HTR3B: variants seen among roughly 807,000 people sequenced by gnomAD.
The protein encoded by HTR3B is 5-hydroxytryptamine receptor 3B.
HTR3B carries 44 observed loss-of-function variants against 42.8 expected under a neutral mutation model. The ratio of observed to expected loss-of-function variants is 1.03; its 90% CI spans 0.81 to 1.32. The LOEUF is 1.32. Among genes scored for constraint, HTR3B ranks in the 40% most tolerant of loss-of-function variants. HTR3B has a pLI of 0.00. For missense variants in HTR3B, 527 were observed against 536.5 expected (o/e 0.98, Z 0.17); for synonymous variants, 203 against 209.0 (o/e 0.97, Z 0.25).
chr11:113,903,428 C>CT (rs57289369), upstream of HTR3B, among the ~76,000 whole-genome samples: 1,299 of 121,060 alleles, frequency 0.011, 14 homozygotes, highest in Non-Finnish European at 0.014. Flanking sequence ...CTTTTCTTTT[C>CT]TTTTTTTTTT....
intron 2 of HTR3B, among the ~76,000 whole-genome samples, chr11:113,911,175 G>A (rs1462449459): frequency 6.6e-6 from 1 of 152,022 alleles, no homozygotes; most frequent in Non-Finnish European, 1.5e-5. Flanking sequence ...GAAATACACA[G>A]ATATTAAGTG....
chr11:113,922,348 C>T (rs1949924217), intron 2 of HTR3B, among the ~76,000 whole-genome samples: 1 of 151,884 alleles, frequency 6.6e-6, no homozygotes, highest in South Asian at 2.1e-4. Flanking sequence ...ATCCTCCCAC[C>T]TCAGCCTCCC....
At chr11:113,900,191 G>GAGGTTGC (rs1300348558), upstream of HTR3B, among the ~76,000 whole-genome samples, 1 of 151,746 alleles carries the variant, frequency 6.6e-6, no homozygotes, top group East Asian at 1.9e-4. Context: ...TTGGGAGGCA[G>GAGGTTGC]AGGTTGCAGT....
intron 1 of HTR3B, among the ~76,000 whole-genome samples, chr11:113,908,145 C>T (rs1949747782): frequency 6.6e-6 from 1 of 152,140 alleles, no homozygotes; most frequent in African/African-American, 2.4e-5. Context: ...ATTGCACTGC[C>T]CACAAGGAGT....
intron 2 of HTR3B, among the ~76,000 whole-genome samples, chr11:113,911,324 G>A (rs543923055): frequency 5.9e-5 from 9 of 151,488 alleles, no homozygotes; most frequent in African/African-American, 1.5e-4. Flanking sequence ...TCTGCCTCCC[G>A]GGTTCAAGTG....
At chr11:113,940,591 G>A (rs764444154) in intron 6 of HTR3B, among the ~76,000 whole-genome samples, 1 of 152,182 alleles carries the variant, frequency 6.6e-6, no homozygotes, top group South Asian at 2.1e-4. Context: ...AGTGAGTGTC[G>A]CTCTGGTTTA....
In HTR3B at chr11:113,948,090, ACTGCTG is replaced by A. The variant is rs1209408110; in HGVS notation, c.*1957_*1962del. Among the ~76,000 whole-genome samples the A allele has an allele frequency of 2.0e-5, 3 of 151,922 alleles. No individual in the cohort carries two copies. The highest frequency in any genetic ancestry group is 7.3e-5 in the African/African-American group (3 of 41,334). ...CAGCGCCAATTGTCCATGAAATTCCACTGCTGCTGTTAATGAAATGAGGAACATAAG... is the reference window on the plus strand; with the variant it reads ...CAGCGCCAATTGTCCATGAAATTCCACTGTTAATGAAATGAGGAACATAAG... On this transcript the variant is annotated 3_prime_UTR_variant, in exon 9 of 9. Coordinates refer to ENST00000260191, the MANE Select transcript of HTR3B (RefSeq NM_006028.5).
intron 2 of HTR3B, among the ~76,000 whole-genome samples, chr11:113,915,994 G>T (rs1023965878): frequency 6.6e-6 from 1 of 152,090 alleles, no homozygotes; most frequent in Non-Finnish European, 1.5e-5. Context: ...ACCCACGACC[G>T]TGCCTGGCTA....
At chr11:113,903,827 T>C (rs1301540123), upstream of HTR3B, among the ~76,000 whole-genome samples, 4 of 152,212 alleles carry the variant, frequency 2.6e-5, no homozygotes, top group Non-Finnish European at 5.9e-5. Flanking sequence ...ATCTTAGTTT[T>C]CTCTCTTTCT....
chr11:113,945,717 A>T (rs1950171490), intron 8 of HTR3B, among the ~76,000 whole-genome samples, 185 bp from the exon 9 acceptor site: 1 of 152,156 alleles, frequency 6.6e-6, no homozygotes, highest in Admixed American at 6.5e-5. Context: ...GTGTTCTCTG[A>T]GGCTTCCTGC....
At chr11:113,909,796 A>G (rs1949768355) in intron 2 of HTR3B, among the ~76,000 whole-genome samples, 1 of 152,060 alleles carries the variant, frequency 6.6e-6, no homozygotes, top group South Asian at 2.1e-4. Context: ...CAGCCTAGGC[A>G]GCATGGTGAA....
Position 113,943,106 on chromosome 11 carries a change from A to G in HTR3B, c.821A>G (p.Lys274Arg). Reference protein sequence around the residue: ...PPNCRARIVFKTSVLVGYTVF... With the variant: ...PPNCRARIVFRTSVLVGYTVF... ...AACTGCCGAGCCAGGATTGTGTTCAAGACCAGTGTGCTGGTGGGCTACACC... is the reference window on the plus strand; with the variant it reads ...AACTGCCGAGCCAGGATTGTGTTCAGGACCAGTGTGCTGGTGGGCTACACC... Residue 274 changes from lysine to arginine, a missense_variant, in exon 7 of 9, where the codon AAG becomes AGG. Lys to Arg is a conservative substitution (Grantham distance 26). Coordinates refer to ENST00000260191, the MANE Select transcript of HTR3B (RefSeq NM_006028.5). 1 of 1,614,148 alleles carries G rather than the reference A, an allele frequency of 6.2e-7. No homozygotes were observed. The highest frequency in any genetic ancestry group is 8.5e-7 in the Non-Finnish European group (1 of 1,180,022).
intron 1 of HTR3B, among the ~76,000 whole-genome samples, chr11:113,908,615 C>T (rs1298489918): frequency 6.6e-6 from 1 of 152,238 alleles, no homozygotes; most frequent in African/African-American, 2.4e-5. Flanking sequence ...CTGGCCTCAA[C>T]ACCAGTCACA....
At chr11:113,941,119 G>A (rs75240464) in intron 6 of HTR3B, among the ~76,000 whole-genome samples, 13,404 of 152,204 alleles carry the variant, frequency 0.088, 736 homozygotes, top group Middle Eastern at 0.16. Flanking sequence ...GAAAGTGTCC[G>A]GCACACTATC....
intron 6 of HTR3B, among the ~76,000 whole-genome samples, chr11:113,936,546 T>TGAGA (rs956778064): frequency 6.6e-6 from 1 of 151,224 alleles, no homozygotes; most frequent in Non-Finnish European, 1.5e-5. Flanking sequence ...GCAGATCATA[T>TGAGA]GAGAGAGAGA....
In HTR3B at chr11:113,943,136, T is replaced by C; in HGVS notation, c.851T>C (p.Phe284Ser). 2 of 1,614,106 alleles carry C rather than the reference T, an allele frequency of 1.2e-6. No homozygotes were observed. Among genetic ancestry groups the C allele is most frequent in the Non-Finnish European group, 1.7e-6 (2 of 1,180,026 alleles). Residue 284 changes from phenylalanine (F) to serine (S), a missense_variant, in exon 7 of 9, where the codon TTC (phenylalanine) becomes TCC (serine). Transcript: ENST00000260191. ...KTSVLVGYTV[F>S]RVNMSNQVPR... is the part of the protein sequence containing the mutation. Reference sequence around the variant, plus strand: ...AGTGTGCTGGTGGGCTACACCGTCTTCAGGGTCAACATGTCCAACCAGGTG... The same window carrying C: ...AGTGTGCTGGTGGGCTACACCGTCTCCAGGGTCAACATGTCCAACCAGGTG...
At chr11:113,934,645 C>T (rs1242970852) in intron 6 of HTR3B, among the ~76,000 whole-genome samples, 2 of 152,034 alleles carry the variant, frequency 1.3e-5, no homozygotes, top group African/African-American at 4.8e-5. Context: ...TCATACCCTC[C>T]TGATGGTGGG....
chr11:113,921,996 G>C (rs1370619190), intron 2 of HTR3B, among the ~76,000 whole-genome samples: 1 of 151,998 alleles, frequency 6.6e-6, no homozygotes, highest in Non-Finnish European at 1.5e-5. Flanking sequence ...ATCTTCTCCC[G>C]GTTCTCAGTA....
chr11:113,936,452 A>G (rs900283162), intron 6 of HTR3B, among the ~76,000 whole-genome samples: 42 of 152,090 alleles, frequency 2.8e-4, no homozygotes, highest in Non-Finnish European at 4.7e-4. Context: ...TTTTTTTTCT[A>G]GATTAGGTAG....
Sources: allele counts gnomAD v4.1 joint callset (sites outside exome capture counted in the v4.1 genomes callset), GRCh38; gene constraint gnomAD v4.1.1; transcripts MANE v1.5; gene names NCBI Gene and HGNC (gene_info 2026-07-23, HGNC 2026-07-21).